TMEM131: variants seen among roughly 807,000 people sequenced by gnomAD.
The protein encoded by TMEM131 is transmembrane protein 131.
Under a neutral mutation model 211.6 loss-of-function variants are expected in TMEM131, and 66 were observed. The ratio of observed to expected loss-of-function variants is 0.31; its 90% CI spans 0.26 to 0.38. The LOEUF (loss-of-function observed/expected upper bound fraction) is 0.38, where lower values mean the gene tolerates loss of function less well. Ranked by LOEUF, TMEM131 falls within the 10% of genes least tolerant of loss-of-function variation. TMEM131 has a pLI of 1.00. For missense variants in TMEM131, 2,036 were observed against 2,299.3 expected (o/e 0.89, Z 2.34); for synonymous variants, 844 against 841.3 (o/e 1.00, Z -0.06).
chr2:97,871,961 G>A (rs1674508260), intron 4 of TMEM131, among the ~76,000 whole-genome samples: 1 of 151,574 alleles, frequency 6.6e-6, no homozygotes, highest in South Asian at 2.1e-4. Flanking sequence ...TGGAGAATGG[G>A]AGGGGAGCCA....
intron 31 of TMEM131, among the ~76,000 whole-genome samples, chr2:97,790,857 C>A (rs1680468586): frequency 6.6e-6 from 1 of 152,202 alleles, no homozygotes. Context: ...AGACATCTTA[C>A]TGTTTTACAA....
intron 1 of TMEM131, among the ~76,000 whole-genome samples, chr2:97,972,841 G>A (rs1490860883): frequency 6.6e-6 from 1 of 152,128 alleles, no homozygotes; most frequent in Admixed American, 6.5e-5. Flanking sequence ...GGCAGGGGAA[G>A]GGGCTACAAG....
chr2:97,860,927 C>T (rs1461947726), intron 4 of TMEM131, among the ~76,000 whole-genome samples: 1 of 152,164 alleles, frequency 6.6e-6, no homozygotes, highest in East Asian at 1.9e-4. Context: ...CCCTTTCCCA[C>T]CTACCCCACT....
At chr2:97,942,978 AAGAAAG>A (rs1677817035) in intron 1 of TMEM131, among the ~76,000 whole-genome samples, 2 of 39,588 alleles carry the variant, frequency 5.1e-5, no homozygotes. Flanking sequence ...GAAAGAAAGA[AAGAAAG>A]AAAAGAAAGA....
intron 1 of TMEM131, among the ~76,000 whole-genome samples, chr2:97,930,667 T>C (rs1023265539): frequency 6.6e-6 from 1 of 151,720 alleles, no homozygotes; most frequent in Non-Finnish European, 1.5e-5. Flanking sequence ...AACAGAACAC[T>C]AGATACAGAC....
At chr2:97,943,210 T>G (rs1677881433) in intron 1 of TMEM131, among the ~76,000 whole-genome samples, 1 of 152,268 alleles carries the variant, frequency 6.6e-6, no homozygotes. Context: ...ACTGTACCAC[T>G]GCATTCCAGC....
Position 97,815,257 on chromosome 2 carries a change from C to T in TMEM131, c.1234G>A (p.Ala412Thr). ...AGTTTAGAATAACTCTTTTCCTTTG[C>T]TTTAACTGTTATTTTCCCAGAAAAC... is the stretch of plus-strand genomic sequence containing the variant. ...SQFSGKITVK[A>T]KEKSYSKLEI... The change falls in exon 13 of 41, where the codon GCA becomes ACA. Residue 412 changes from alanine (A) to threonine (T), a missense_variant. By Grantham distance (58) the Ala-to-Thr change is moderately conservative. Transcript: ENST00000186436. 6.3e-7 allele frequency: 1 copy of T among 1,575,084 alleles called. No homozygotes were observed. Among genetic ancestry groups the T allele is most frequent in the Non-Finnish European group, 8.6e-7 (1 of 1,169,496 alleles).
At chr2:97,913,948 T>C (rs1473665248) in intron 2 of TMEM131, among the ~76,000 whole-genome samples, 1 of 152,154 alleles carries the variant, frequency 6.6e-6, no homozygotes, top group Non-Finnish European at 1.5e-5. Flanking sequence ...CTGTCACCTT[T>C]AGAGACAAAA....
chr2:97,759,852 T>G, intron 38 of TMEM131, 103 bp from the exon 39 acceptor site: 1 of 780,612 alleles, frequency 1.3e-6, no homozygotes, highest in Non-Finnish European at 2.2e-6. Context: ...CTGCTTCAAC[T>G]GGGGGTACTC....
chr2:97,868,883 G>T (rs1351228560), intron 4 of TMEM131, among the ~76,000 whole-genome samples: 2 of 152,106 alleles, frequency 1.3e-5, no homozygotes, highest in African/African-American at 4.8e-5. Flanking sequence ...TCAATCCCAG[G>T]TGGGGTTACG....
rs749453874 is a variant in TMEM131 at position 97,757,338 on chromosome 2, T to C, written c.5413A>G (p.Ser1805Gly). 6.2e-7 allele frequency: 1 copy of C among 1,613,094 alleles called. No homozygotes were observed. Among genetic ancestry groups the C allele is most frequent in the South Asian group, 1.1e-5 (1 of 91,016 alleles). Residue 1805 changes from serine to glycine, a missense_variant, in exon 41 of 41, where the codon AGC (serine) becomes GGC (glycine). Around this residue, in one of 3 missense-constraint regions of TMEM131, gnomAD observed 1,623 missense variants for 1,805.9 expected, o/e 0.90. Coordinates refer to ENST00000186436, the MANE Select transcript of TMEM131 (RefSeq NM_015348.2). ...AGGTTGCTGGACCAAATGGAGCTGC[T>C]GAATGGAGTGGTGGACCACAGGCCG... The part of the protein sequence containing the change: ...TSGLWSTTPF[S>G]SSIWSSNLSS...
At chr2:97,848,876 T>C (rs566451907) in intron 5 of TMEM131, among the ~76,000 whole-genome samples, 53 of 152,210 alleles carry the variant, frequency 3.5e-4, no homozygotes, top group Non-Finnish European at 7.1e-4. Flanking sequence ...TGAAAAGGTA[T>C]GACACAAACT....
intron 1 of TMEM131, among the ~76,000 whole-genome samples, chr2:97,930,978 G>A (rs143189667): frequency 6.6e-6 from 1 of 151,794 alleles, no homozygotes; most frequent in Non-Finnish European, 1.5e-5. Flanking sequence ...AATACACACA[G>A]AGAGATATAC....
chr2:97,837,017 A>C (rs1682971146), intron 8 of TMEM131, 60 bp downstream of exon 8: 1 of 1,364,658 alleles, frequency 7.3e-7, no homozygotes, highest in Non-Finnish European at 1.0e-6. Context: ...AATATTTTCT[A>C]ATTTAAGAAT....
At chr2:97,960,376 T>G (rs182305265) in intron 1 of TMEM131, among the ~76,000 whole-genome samples, 3 of 152,192 alleles carry the variant, frequency 2.0e-5, no homozygotes, top group African/African-American at 4.8e-5. Context: ...AGTATCACTA[T>G]GGACTCATAT....
chr2:97,779,093 T>C (rs1440960388), intron 31 of TMEM131, among the ~76,000 whole-genome samples: 1 of 152,094 alleles, frequency 6.6e-6, no homozygotes. Context: ...GCCCCACCCC[T>C]CAGAGAGATT....
chr2:97,814,918 G>T (rs1208917811), intron 13 of TMEM131, among the ~76,000 whole-genome samples: 1 of 152,058 alleles, frequency 6.6e-6, no homozygotes, highest in African/African-American at 2.4e-5. Flanking sequence ...AAAGGAAATG[G>T]TTCAAATGAT....
At chr2:97,907,835 C>T (rs534023297) in intron 3 of TMEM131, among the ~76,000 whole-genome samples, 1 of 152,286 alleles carries the variant, frequency 6.6e-6, no homozygotes, top group South Asian at 2.1e-4. Flanking sequence ...AGGGCGCTCA[C>T]TAGAACAGGT....
At chr2:97,808,147 C>T (rs1681397189) in intron 19 of TMEM131, among the ~76,000 whole-genome samples, 1 of 152,118 alleles carries the variant, frequency 6.6e-6, no homozygotes, top group Middle Eastern at 3.4e-3. Flanking sequence ...TAATTTTATA[C>T]AACATTTAAA....
Sources: gnomAD v4.1 joint callset for allele counts (sites outside exome capture counted in the v4.1 genomes callset) on GRCh38, gnomAD v4.1.1 for gene constraint, gnomAD v4.1.1 regional missense constraint, MANE v1.5 for transcripts, NCBI Gene and HGNC (gene_info 2026-07-23, HGNC 2026-07-21) for gene names.